Variants in NDST3 observed in about 807,000 individuals in gnomAD.
NDST3 encodes N-deacetylase and N-sulfotransferase 3, also known as bifunctional heparan sulfate N-deacetylase/N-sulfotransferase 3.
NDST3 carries 58 observed loss-of-function variants against 96.1 expected under a neutral mutation model. The ratio of observed to expected loss-of-function variants is 0.60; its 90% CI spans 0.49 to 0.75. The LOEUF (loss-of-function observed/expected upper bound fraction) is 0.75, where lower values mean the gene tolerates loss of function less well. NDST3 is among the 30% of genes least tolerant of loss of function. The pLI, the probability that NDST3 is intolerant of heterozygous loss-of-function variation, is 0.00. For missense variants in NDST3, 788 were observed against 1,034.2 expected (o/e 0.76, Z 3.27); for synonymous variants, 333 against 359.7 (o/e 0.93, Z 0.84).
At chr4:118,080,333 T>C (rs1053146029) in intron 2 of NDST3, among the ~76,000 whole-genome samples, 11 of 151,938 alleles carry the variant, frequency 7.2e-5, no homozygotes, top group African/African-American at 2.7e-4. Flanking sequence ...GGAGGAAAGA[T>C]ATAAATCAGG....
intron 5 of NDST3, among the ~76,000 whole-genome samples, chr4:118,139,675 C>A (rs1020953643): frequency 6.6e-6 from 1 of 152,106 alleles, no homozygotes; most frequent in Non-Finnish European, 1.5e-5. Context: ...ATGATCCATT[C>A]CCAAATCCAA....
intron 2 of NDST3, among the ~76,000 whole-genome samples, chr4:118,075,745 GTTTGATT>G (rs751520832): frequency 3.7e-4 from 22 of 59,766 alleles, no homozygotes; most frequent in Non-Finnish European, 1.2e-3. Context: ...TGATGGGGCT[GTTTGATT>G]TTTTTCTTGT....
rs1243111784 is a variant in NDST3, at chr4:118,160,015, C to T, written c.1539+16331C>T. Among the ~76,000 whole-genome samples the T allele has an allele frequency of 3.9e-5, 6 of 152,086 alleles. No individual in the cohort carries two copies. In the South Asian group the frequency reaches 8.3e-4, roughly 21 times the overall value. ...GAAAGCTTATTCGAAGAAATAATGGCCAAAACTTCCCAAATACGGAAAAGG... is the reference window on the plus strand; with the variant it reads ...GAAAGCTTATTCGAAGAAATAATGGTCAAAACTTCCCAAATACGGAAAAGG... On this transcript the variant is annotated intron_variant, in intron 6 of 13. Coordinates refer to ENST00000296499, the MANE Select transcript of NDST3 (RefSeq NM_004784.3).
At chr4:118,240,952 G>T (rs1002139665) in intron 11 of NDST3, among the ~76,000 whole-genome samples, 1 of 152,134 alleles carries the variant, frequency 6.6e-6, no homozygotes, top group Non-Finnish European at 1.5e-5. Flanking sequence ...CTTTAGATAC[G>T]ATTCTTATCC....
At chr4:118,142,023 T>C (rs1733609025) in intron 5 of NDST3, among the ~76,000 whole-genome samples, 1 of 152,140 alleles carries the variant, frequency 6.6e-6, no homozygotes, top group African/African-American at 2.4e-5. Flanking sequence ...TCCAAATGCT[T>C]TCCAAATTCA....
chr4:118,135,334 T>C (rs1732986936), intron 4 of NDST3, among the ~76,000 whole-genome samples: 1 of 152,166 alleles, frequency 6.6e-6, no homozygotes, highest in African/African-American at 2.4e-5. Flanking sequence ...AAATCTACAG[T>C]GAAAGTAGAA....
At chr4:118,143,139 A>C (rs2125905532) in intron 5 of NDST3, among the ~76,000 whole-genome samples, 1 of 152,326 alleles carries the variant, frequency 6.6e-6, no homozygotes, top group African/African-American at 2.4e-5. Flanking sequence ...AATGCATGGC[A>C]GAATTTGGCA....
At chr4:118,223,134 G>GA (rs1432206913) in intron 6 of NDST3, among the ~76,000 whole-genome samples, 3 of 151,822 alleles carry the variant, frequency 2.0e-5, no homozygotes, top group Admixed American at 2.0e-4. Context: ...AAGCTACACT[G>GA]AAAAATGTGG....
At chr4:118,229,003 C>T (rs1250864154) in intron 8 of NDST3, among the ~76,000 whole-genome samples, 1 of 152,104 alleles carries the variant, frequency 6.6e-6, no homozygotes, top group Non-Finnish European at 1.5e-5. Context: ...GTACTTTTGT[C>T]AAAAGTATTT....
intron 2 of NDST3, among the ~76,000 whole-genome samples, chr4:118,086,059 T>C (rs1165924051): frequency 6.6e-6 from 1 of 152,218 alleles, no homozygotes; most frequent in Non-Finnish European, 1.5e-5. Flanking sequence ...AATGAGGCAG[T>C]GAGTAGGTCT....
intron 2 of NDST3, among the ~76,000 whole-genome samples, chr4:118,059,824 C>G (rs1314318183): frequency 6.6e-6 from 1 of 152,108 alleles, no homozygotes; most frequent in Non-Finnish European, 1.5e-5. Context: ...ATGTCAAGAT[C>G]TGTACATTGT....
intron 6 of NDST3, among the ~76,000 whole-genome samples, chr4:118,182,909 T>C (rs1425975290): frequency 1.3e-5 from 2 of 152,178 alleles, no homozygotes; most frequent in South Asian, 4.1e-4. Context: ...CTGTGCTCCT[T>C]GCCCTGTGAT....
chr4:118,081,866 T>C (rs1328102401), intron 2 of NDST3, among the ~76,000 whole-genome samples: 1 of 152,146 alleles, frequency 6.6e-6, no homozygotes, highest in African/African-American at 2.4e-5. Context: ...AGAATATAGA[T>C]ATGGAACAAT....
At chr4:118,209,507 T>C (rs1738651661) in intron 6 of NDST3, among the ~76,000 whole-genome samples, 1 of 152,192 alleles carries the variant, frequency 6.6e-6, no homozygotes, top group Non-Finnish European at 1.5e-5. Flanking sequence ...GCTAAAGTAA[T>C]AGCAATGCAT....
chr4:118,246,096 CAGATTT>C (rs1418435389), intron 12 of NDST3, among the ~76,000 whole-genome samples: 1 of 152,166 alleles, frequency 6.6e-6, no homozygotes, highest in Admixed American at 6.5e-5. Context: ...GAAGTTGTTT[CAGATTT>C]TATTATGAAT....
intron 2 of NDST3, among the ~76,000 whole-genome samples, chr4:118,095,085 A>G (rs184372456): frequency 5.3e-5 from 8 of 151,744 alleles, no homozygotes; most frequent in African/African-American, 1.9e-4. Flanking sequence ...GTGAAATTTT[A>G]AAAAAAAGAA....
intron 2 of NDST3, among the ~76,000 whole-genome samples, chr4:118,096,282 A>G (rs977273660): frequency 1.3e-5 from 2 of 151,846 alleles, no homozygotes; most frequent in Non-Finnish European, 2.9e-5. Context: ...CTTTTACACC[A>G]TCATAAAGCT....
chr4:118,138,525 A>T (rs1009054248), intron 5 of NDST3, among the ~76,000 whole-genome samples: 1 of 152,210 alleles, frequency 6.6e-6, no homozygotes, highest in African/African-American at 2.4e-5. Context: ...GATAATTTTT[A>T]GTAGACATCA....
intron 4 of NDST3, among the ~76,000 whole-genome samples, chr4:118,126,537 C>CATATATATAT (rs956364801): frequency 4.9e-5 from 1 of 20,302 alleles, no homozygotes; most frequent in African/African-American, 7.5e-5. Flanking sequence ...TATATATACA[C>CATATATATAT]ATATATATAT....
Sources: gnomAD v4.1 joint callset for allele counts (sites outside exome capture counted in the v4.1 genomes callset) on GRCh38, gnomAD v4.1.1 for gene constraint, MANE v1.5 for transcripts, NCBI Gene and HGNC (gene_info 2026-07-23, HGNC 2026-07-21) for gene names.